CHAF1A: variants seen among roughly 807,000 people sequenced by gnomAD.
CHAF1A encodes the protein chromatin assembly factor 1 subunit A, also known as CAF-1 subunit A.
Under a neutral mutation model 93.2 loss-of-function variants are expected in CHAF1A, and 5 were observed. The ratio of observed to expected loss-of-function variants is 0.05; its 90% CI spans 0.03 to 0.11. The LOEUF (loss-of-function observed/expected upper bound fraction) is 0.11. Ranked by LOEUF, CHAF1A falls within the 10% of genes least tolerant of loss-of-function variation. The pLI, the probability that CHAF1A is intolerant of heterozygous loss-of-function variation, is 1.00. For missense variants in CHAF1A, 1,102 were observed against 1,259.9 expected (o/e 0.87, Z 1.90); for synonymous variants, 504 against 510.3 (o/e 0.99, Z 0.17).
downstream of CHAF1A, chr19:4,448,689 G>C: frequency 2.0e-6 from 1 of 494,210 alleles, no homozygotes; most frequent in South Asian, 2.2e-5. Flanking sequence ...AAGCCAGTGT[G>C]ACGCGACAGA....
chr19:4,428,875 C>G lies in CHAF1A; in HGVS notation c.1589C>G (p.Ala530Gly). The part of the protein sequence containing the change: ...SGPTHVSTRN[A>G]DIFNSDVVIV... ...CCCACGCACGTTTCCACCCGGAATGCAGATATTTTTAACAGGTCAGAGCCT... is the reference window on the plus strand; with the variant it reads ...CCCACGCACGTTTCCACCCGGAATGGAGATATTTTTAACAGGTCAGAGCCT... Residue 530 changes from alanine to glycine, a missense_variant, in exon 8 of 15, where the codon GCA (alanine) becomes GGA (glycine). Physicochemically the swap from Ala to Gly is moderately conservative, Grantham distance 60 (BLOSUM62 0). Transcript: ENST00000301280. 1 of 1,613,700 alleles carries G rather than the reference C, an allele frequency of 6.2e-7. No homozygotes were observed. Among genetic ancestry groups the G allele is most frequent in the Non-Finnish European group, 8.5e-7 (1 of 1,179,924 alleles).
rs551919617 is a variant in CHAF1A at position 4,442,251 on chromosome 19, G to A, written c.2680G>A (p.Ala894Thr). Residue 894 changes from alanine to threonine, a missense_variant, in exon 14 of 15, where the codon GCT becomes ACT. Ala to Thr is a moderately conservative substitution (Grantham distance 58). Around this residue, in one of 6 missense-constraint regions of CHAF1A, gnomAD observed 119 missense variants for 102.2 expected, o/e 1.16. Coordinates refer to ENST00000301280, the MANE Select transcript of CHAF1A (RefSeq NM_005483.3). ...KKRRHDGQIG[A>T]EDMDGFQADT... ...GTGTACCCTGTCTGTCCAGATTGGT[G>A]CTGAAGACATGGACGGCTTCCAGGC... The A allele has an allele frequency of 2.5e-6, 4 of 1,614,016 alleles. No individual in the cohort carries two copies. In the South Asian group the frequency reaches 4.4e-5, roughly 18 times the overall value.
At chr19:4,447,049 T>A, downstream of CHAF1A, 2 of 882,884 alleles carry the variant, frequency 2.3e-6, no homozygotes, top group Non-Finnish European at 3.5e-6. Flanking sequence ...GGCCCAGCCC[T>A]GGGGGTGCCT....
At chr19:4,431,418 C>T (rs188952715) in intron 11 of CHAF1A, among the ~76,000 whole-genome samples, 1 of 152,150 alleles carries the variant, frequency 6.6e-6, no homozygotes, top group African/African-American at 2.4e-5. Context: ...CATGAGCCAC[C>T]GAGCCCGGCA....
chr19:4,404,667 C>T (rs909765786), intron 1 of CHAF1A, among the ~76,000 whole-genome samples: 3 of 152,080 alleles, frequency 2.0e-5, no homozygotes, highest in Admixed American at 6.6e-5. Flanking sequence ...TTAAAAAGTA[C>T]TCACTTTTAT....
At chr19:4,435,087 C>CTTTTTTTTTTTTTTTTTTTTT (rs869255408) in intron 13 of CHAF1A, among the ~76,000 whole-genome samples, 2 of 87,966 alleles carry the variant, frequency 2.3e-5, no homozygotes, top group Non-Finnish European at 2.0e-5. Context: ...CTTTTTTTTC[C>CTTTTTTTTTTTTTTTTTTTTT]TTTTTTTTTT....
chr19:4,447,513 C>T (rs772092117), downstream of CHAF1A: 24 of 1,611,400 alleles, frequency 1.5e-5, no homozygotes, highest in Admixed American at 4.0e-4. Context: ...TGCCCCCACC[C>T]CCAGCCTGGG....
At chr19:4,446,216 A>G, downstream of CHAF1A, 3 of 1,589,850 alleles carry the variant, frequency 1.9e-6, no homozygotes, top group Non-Finnish European at 2.6e-6. Flanking sequence ...TGGGGGAGTC[A>G]GAGCGGGTGG....
Position 4,432,611 on chromosome 19 carries a change from T to C in CHAF1A, c.2203+404T>C, listed in dbSNP as rs200400724. 8.6e-5 allele frequency among the ~76,000 whole-genome samples: 13 copies of C among 151,638 alleles called. No homozygotes were observed. In the East Asian group the frequency reaches 2.5e-3, roughly 30 times the overall value. On this transcript the variant is annotated intron_variant, in intron 12 of 14. Coordinates refer to ENST00000301280, the MANE Select transcript of CHAF1A (RefSeq NM_005483.3). ...CCCCATCTCTGCAGAAAATGCAAAA[T>C]TACCTGGGTGTGGTATCACGCACCT...
At chr19:4,447,298 C>A, downstream of CHAF1A, 1 of 576,344 alleles carries the variant, frequency 1.7e-6, no homozygotes, top group Non-Finnish European at 3.1e-6. Flanking sequence ...CCAAACAAGC[C>A]CAGCTGAAGA....
intron 14 of CHAF1A, among the ~76,000 whole-genome samples, 167 bp downstream of exon 14, chr19:4,442,508 C>T (rs901361960): frequency 1.3e-5 from 2 of 152,190 alleles, no homozygotes; most frequent in African/African-American, 4.8e-5. Flanking sequence ...CGGGCTGGGC[C>T]GTGGGTGCTG....
chr19:4,408,796 TAAA>T, intron 2 of CHAF1A, 104 bp from the exon 3 acceptor site: 2 of 1,420,158 alleles, frequency 1.4e-6, no homozygotes, highest in Non-Finnish European at 1.9e-6. Flanking sequence ...TTTTAAACTT[TAAA>T]ATTATCTCCC....
downstream of CHAF1A, chr19:4,446,370 T>C (rs1974520521): frequency 1.3e-6 from 2 of 1,575,312 alleles, no homozygotes; most frequent in Admixed American, 1.8e-5. Flanking sequence ...TTCTCCCGCA[T>C]GGCCTTGGTC....
intron 10 of CHAF1A, chr19:4,430,100 T>G (rs538525334): frequency 2.5e-6 from 1 of 395,912 alleles, no homozygotes; most frequent in South Asian, 2.7e-5. Flanking sequence ...ACTGCCCAGC[T>G]GCTGTGACCT....
At chr19:4,428,946 C>T in intron 8 of CHAF1A, 56 bp downstream of exon 8, 1 of 1,479,940 alleles carries the variant, frequency 6.8e-7, no homozygotes, top group Non-Finnish European at 9.4e-7. Flanking sequence ...GGCCAGCATC[C>T]TGAACCCTGG....
chr19:4,404,106 C>T (rs1278220287), intron 1 of CHAF1A, among the ~76,000 whole-genome samples: 1 of 152,076 alleles, frequency 6.6e-6, no homozygotes, highest in Non-Finnish European at 1.5e-5. Flanking sequence ...CAGGCATGAG[C>T]CACCATGCCT....
Position 4,409,323 on chromosome 19 carries a change from C to T in CHAF1A, c.524C>T (p.Thr175Ile), listed in dbSNP as rs1306007111. 3.7e-6 allele frequency: 6 copies of T among 1,614,118 alleles called. No homozygotes were observed. The highest frequency in any genetic ancestry group is 5.1e-6 in the Non-Finnish European group (6 of 1,180,018). Residue 175 changes from threonine (T) to isoleucine (I), a missense_variant, in exon 3 of 15, where the codon ACC becomes ATC. Transcript: ENST00000301280. ...GACAAGTTGGCATTTCCTGGAGAGACCCTTTCAGACATTCCTTGCAAAACA... is the reference window on the plus strand; with the variant it reads ...GACAAGTTGGCATTTCCTGGAGAGATCCTTTCAGACATTCCTTGCAAAACA... ...QNDKLAFPGE[T>I]LSDIPCKTEE...
At chr19:4,450,758 CAAAAAAAAAAAAAAAAAAAAA>C in the CHAF1A span, 1 of 43,776 alleles carries the variant, frequency 2.3e-5, no homozygotes, top group African/African-American at 9.5e-5. Flanking sequence ...GACTCTGTCT[CAAAAAAAAAAAAAAAAAAAAA>C]AAAAAAAGAG....
intron 13 of CHAF1A, among the ~76,000 whole-genome samples, chr19:4,437,139 A>G (rs1343909001): frequency 6.6e-6 from 1 of 151,918 alleles, no homozygotes; most frequent in Non-Finnish European, 1.5e-5. Context: ...CAGCGGACGC[A>G]CGAAGGTCAC....
Sources: gnomAD v4.1 joint callset for allele counts (sites outside exome capture counted in the v4.1 genomes callset) on GRCh38, gnomAD v4.1.1 for gene constraint, gnomAD v4.1.1 regional missense constraint, MANE v1.5 for transcripts, NCBI Gene and HGNC (gene_info 2026-07-23, HGNC 2026-07-21) for gene names.